AZIN2: variants seen among roughly 807,000 people sequenced by gnomAD.
The protein encoded by AZIN2 is ODC antizyme inhibitor-2.
Under a neutral mutation model 47.8 loss-of-function variants are expected in AZIN2, and 28 were observed. That is an observed-to-expected ratio of 0.59 (90% CI 0.43 to 0.80). The LOEUF (loss-of-function observed/expected upper bound fraction) is 0.80. Among genes scored for constraint, AZIN2 ranks in the 30% least tolerant of loss-of-function variants. The probability of loss-of-function intolerance (pLI) is 0.00; values close to 1 mark genes in which losing one functional copy is unlikely to be tolerated. For missense variants in AZIN2, 535 were observed against 582.5 expected, an observed-to-expected ratio of 0.92 and a Z score of 0.84; for synonymous variants, 221 against 239.4, an observed-to-expected ratio of 0.92 and a Z score of 0.71.
chr1:33,116,611 A>G (rs1456612635), intron 10 of AZIN2, among the ~76,000 whole-genome samples: 5 of 152,236 alleles, frequency 3.3e-5, no homozygotes, highest in Non-Finnish European at 7.3e-5. Flanking sequence ...GGGGATGACA[A>G]GACCTACACA....
chr1:33,086,848 A>G (rs965433093), intron 5 of AZIN2, among the ~76,000 whole-genome samples: 13 of 152,092 alleles, frequency 8.5e-5, no homozygotes, highest in Non-Finnish European at 1.3e-4. Context: ...AAACTCAACC[A>G]AGTTGTCTGC....
At chr1:33,157,039 G>A in the AZIN2 span, among the ~76,000 whole-genome samples, 68 of 147,892 alleles carry the variant, frequency 4.6e-4, no homozygotes, top group Admixed American at 1.2e-3. Context: ...CACCCCCTTC[G>A]GTCTATTCTC....
At chr1:33,138,606 T>C in the AZIN2 span, among the ~76,000 whole-genome samples, 1 of 144,430 alleles carries the variant, frequency 6.9e-6, no homozygotes, top group African/African-American at 2.6e-5. Flanking sequence ...AGCGAGATCC[T>C]GTCTCAACAA....
chr1:33,110,157 G>T (rs1414678223), intron 10 of AZIN2, among the ~76,000 whole-genome samples: 1 of 152,160 alleles, frequency 6.6e-6, no homozygotes, highest in Non-Finnish European at 1.5e-5. Context: ...TTGGAAGAGA[G>T]AAAAAAATTG....
the AZIN2 span, among the ~76,000 whole-genome samples, chr1:33,153,849 G>T: frequency 6.6e-5 from 10 of 152,282 alleles, no homozygotes; most frequent in African/African-American, 2.4e-4. Flanking sequence ...TGCATTTATC[G>T]ACAAACATTT....
chr1:33,146,957 T>C, the AZIN2 span: 1 of 590,996 alleles, frequency 1.7e-6, no homozygotes, highest in Non-Finnish European at 3.0e-6. Flanking sequence ...ATCAAAGCTG[T>C]ATCCCTATCA....
At chr1:33,112,467 A>C (rs910138691) in intron 10 of AZIN2, among the ~76,000 whole-genome samples, 2 of 152,200 alleles carry the variant, frequency 1.3e-5, no homozygotes, top group Non-Finnish European at 2.9e-5. Flanking sequence ...AATTTATATA[A>C]ATCTCAAAAG....
rs897268142 is a variant in AZIN2, at chr1:33,081,560, C to T, written c.-284-41C>T. The T allele has an allele frequency of 1.0e-4, 16 of 156,750 alleles. No individual in the cohort carries two copies. The highest frequency in any genetic ancestry group is 7.3e-4 in the Admixed American group (12 of 16,358). The allele number at this position is 156,750 out of a possible 1,614,324, so 9.7% of individuals were successfully genotyped here. On this transcript the variant is annotated intron_variant, in intron 2 of 11. Transcript: ENST00000294517. The surrounding 1 kb of genome is among the most constrained non-coding windows in gnomAD (Gnocchi z 4.2). Reference sequence around the variant, plus strand: ...CCTCAGCCCTGCACTCTGTAGGAGTCACTCGGACAGAAAAAACCTCGGCCT... The same window carrying T: ...CCTCAGCCCTGCACTCTGTAGGAGTTACTCGGACAGAAAAAACCTCGGCCT...
At chr1:33,102,627 C>T (rs1449248619) in intron 10 of AZIN2, among the ~76,000 whole-genome samples, 1 of 152,188 alleles carries the variant, frequency 6.6e-6, no homozygotes, top group African/African-American at 2.4e-5. Context: ...CCTGCTCACC[C>T]TTTAAGTGCT....
the AZIN2 span, chr1:33,164,208 T>C: frequency 3.9e-5 from 6 of 152,264 alleles, no homozygotes; most frequent in Non-Finnish European, 5.9e-5. Flanking sequence ...CTGTGAAGAA[T>C]TGTTTGTCAT....
chr1:33,146,902 G>T, the AZIN2 span: 1 of 479,014 alleles, frequency 2.1e-6, no homozygotes. Context: ...GGGGATGAGG[G>T]TTGGGCAGGG....
At chr1:33,153,753 C>T in the AZIN2 span, among the ~76,000 whole-genome samples, 9 of 152,224 alleles carry the variant, frequency 5.9e-5, no homozygotes, top group Non-Finnish European at 1.2e-4. Flanking sequence ...CAAGTTTCTT[C>T]AGTCAGCAAA....
At chr1:33,103,851 C>A (rs1337212898) in intron 10 of AZIN2, among the ~76,000 whole-genome samples, 1 of 151,658 alleles carries the variant, frequency 6.6e-6, no homozygotes. Flanking sequence ...ACTTGGCATA[C>A]AGTAGGTTCA....
the AZIN2 span, among the ~76,000 whole-genome samples, chr1:33,138,992 T>C: frequency 6.6e-6 from 1 of 152,224 alleles, no homozygotes; most frequent in Non-Finnish European, 1.5e-5. Context: ...TGTTTATGTG[T>C]AAGCAAAAAT....
At chr1:33,101,721 C>A (rs999675132) in intron 10 of AZIN2, 4 of 634,892 alleles carry the variant, frequency 6.3e-6, no homozygotes, top group Non-Finnish European at 8.6e-6. Context: ...TTTATCACAT[C>A]TAAATCTATT....
At chr1:33,116,302 T>G (rs903066877) in intron 10 of AZIN2, among the ~76,000 whole-genome samples, 1 of 152,214 alleles carries the variant, frequency 6.6e-6, no homozygotes, top group Non-Finnish European at 1.5e-5. Context: ...GCTTATTAAC[T>G]TTTTATCAAA....
intron 8 of AZIN2, among the ~76,000 whole-genome samples, chr1:33,095,625 ATAT>A (rs1643069483): frequency 6.6e-6 from 1 of 152,166 alleles, no homozygotes; most frequent in African/African-American, 2.4e-5. Flanking sequence ...GTAATCAAGT[ATAT>A]TACAGTTGAC....
the AZIN2 span, among the ~76,000 whole-genome samples, chr1:33,131,177 C>G: frequency 6.6e-6 from 1 of 152,206 alleles, no homozygotes; most frequent in African/African-American, 2.4e-5. Flanking sequence ...AGGGAATTCT[C>G]TTTCCTGAGT....
chr1:33,165,648 G>T, the AZIN2 span: 1 of 1,224,246 alleles, frequency 8.2e-7, no homozygotes, highest in South Asian at 1.6e-5. The surrounding 1 kb of genome is among the most constrained non-coding windows in gnomAD (Gnocchi z 4.0). Context: ...CAGGCGCTGG[G>T]GGTTAGCCTG....
Sources: allele counts gnomAD v4.1 joint callset (sites outside exome capture counted in the v4.1 genomes callset), GRCh38; gene constraint gnomAD v4.1.1; non-coding constraint Gnocchi (gnomAD v3.1); transcripts MANE v1.5; gene names NCBI Gene and HGNC (gene_info 2026-07-23, HGNC 2026-07-21).